The following COL6A5 variants were observed in gnomAD, a reference collection of about 807,000 sequenced individuals.
COL6A5 encodes collagen type VI alpha 5 chain.
In COL6A5, 48 loss-of-function variants were observed where a neutral mutation model predicts 65.6. The ratio of observed to expected loss-of-function variants is 0.73; its 90% confidence interval spans 0.58 to 0.93. The LOEUF (loss-of-function observed/expected upper bound fraction) is 0.93. Ranked by LOEUF, COL6A5 falls within the 40% of genes least tolerant of loss-of-function variation. The pLI, the probability that COL6A5 is intolerant of heterozygous loss-of-function variation, is 0.00. For synonymous variants in COL6A5, 291 were observed against 322.8 expected (o/e 0.90, Z 1.05); for missense variants, 914 against 928.3 (o/e 0.98, Z 0.20).
exon 10 of COL6A5, chr3:130,398,109 C>A: frequency 1.3e-6 from 2 of 1,481,944 alleles, no homozygotes; most frequent in South Asian, 1.2e-5. Context: ...CTCAGAGAAG[C>A]AGGTATTGAG....
chr3:130,465,095 A>G (rs1709783221), intron 5 of COL6A5, among the ~76,000 whole-genome samples: 1 of 152,116 alleles, frequency 6.6e-6, no homozygotes, highest in Non-Finnish European at 1.5e-5. Context: ...GAGAAGGAAA[A>G]CAAATGAGAT....
At chr3:130,395,264 G>A (rs886710530) in exon 8 of COL6A5, 1 of 1,551,664 alleles carries the variant, frequency 6.4e-7, no homozygotes, top group East Asian at 2.4e-5. Flanking sequence ...TCGCTATGAT[G>A]TGGCAGATGC....
chr3:130,464,504 AAC>A (rs112314285), intron 5 of COL6A5, among the ~76,000 whole-genome samples: 1,841 of 152,188 alleles, frequency 0.012, 40 homozygotes, highest in African/African-American at 0.041. Context: ...GTAGTTGAAA[AAC>A]AGAGATCATG....
chr3:130,389,442 T>G (rs1200044424), intron 6 of COL6A5, among the ~76,000 whole-genome samples: 1 of 152,092 alleles, frequency 6.6e-6, no homozygotes, highest in Non-Finnish European at 1.5e-5. Context: ...AGCCAGTTTT[T>G]AATCCCAAAT....
At chr3:130,475,588 ACTT>A (rs1710073614) in intron 7 of COL6A5, among the ~76,000 whole-genome samples, 1 of 152,100 alleles carries the variant, frequency 6.6e-6, no homozygotes, top group Admixed American at 6.6e-5. Flanking sequence ...AATTAAGAGA[ACTT>A]CTCACCAGCA....
chr3:130,382,435 A>G (rs1343486700), intron 4 of COL6A5, among the ~76,000 whole-genome samples: 3 of 152,110 alleles, frequency 2.0e-5, no homozygotes, highest in East Asian at 1.9e-4. Flanking sequence ...ATGGTAAGAA[A>G]TTTGAGAAAA....
chr3:130,448,992 C>T (rs1709366047), intron 4 of COL6A5, among the ~76,000 whole-genome samples: 1 of 152,180 alleles, frequency 6.6e-6, no homozygotes, highest in Admixed American at 6.5e-5. Context: ...ATTAATGGCC[C>T]TTAAATCGGT....
At chr3:130,464,166 C>T (rs1002208006) in intron 5 of COL6A5, among the ~76,000 whole-genome samples, 1 of 151,874 alleles carries the variant, frequency 6.6e-6, no homozygotes, top group Non-Finnish European at 1.5e-5. Flanking sequence ...GGATTTTGCT[C>T]TGTTGCCCAG....
intron 1 of COL6A5, among the ~76,000 whole-genome samples, chr3:130,351,604 G>A (rs1174313348): frequency 1.3e-5 from 2 of 152,188 alleles, no homozygotes; most frequent in African/African-American, 4.8e-5. Context: ...AAACCACAAT[G>A]AGATACCATC....
At chr3:130,388,407 T>G (rs1252573497) in intron 5 of COL6A5, among the ~76,000 whole-genome samples, 173 bp from the exon 6 acceptor site, 3 of 152,118 alleles carry the variant, frequency 2.0e-5, no homozygotes, top group Admixed American at 6.6e-5. Context: ...TGATTCAAGG[T>G]TCTAGTCAAC....
chr3:130,451,693 G>A (rs1047382368), intron 4 of COL6A5, among the ~76,000 whole-genome samples: 2 of 152,092 alleles, frequency 1.3e-5, no homozygotes, highest in Non-Finnish European at 2.9e-5. Flanking sequence ...ATCATCGGGG[G>A]TGACCGTAAG....
chr3:130,397,997 C>T, intron 9 of COL6A5, 33 bp from the exon 10 acceptor site: 1 of 1,545,778 alleles, frequency 6.5e-7, no homozygotes, highest in Non-Finnish European at 8.8e-7. Flanking sequence ...ATATATTTAG[C>T]TTTTACACCA....
chr3:130,371,465 A>G (rs1935554908), intron 1 of COL6A5, among the ~76,000 whole-genome samples: 1 of 152,174 alleles, frequency 6.6e-6, no homozygotes, highest in South Asian at 2.1e-4. Context: ...ATACTGGCAT[A>G]AGGACAGAAA....
chr3:130,457,565 G>C (rs532779128), intron 5 of COL6A5, among the ~76,000 whole-genome samples: 1 of 152,140 alleles, frequency 6.6e-6, no homozygotes, highest in Admixed American at 6.6e-5. Flanking sequence ...ACCCCACCCA[G>C]TTTCTCCTAC....
At chr3:130,372,481 T>C (rs1935604629) in intron 1 of COL6A5, among the ~76,000 whole-genome samples, 1 of 152,076 alleles carries the variant, frequency 6.6e-6, no homozygotes, top group Non-Finnish European at 1.5e-5. Flanking sequence ...AATGGAATAT[T>C]ACTCAGCCAT....
At chr3:130,395,901 G>C (rs1436149893) in intron 8 of COL6A5, among the ~76,000 whole-genome samples, 1 of 152,150 alleles carries the variant, frequency 6.6e-6, no homozygotes. Flanking sequence ...GTGTGTGTGT[G>C]TGTGTATGTG....
intron 12 of COL6A5, 85 bp from the exon 13 acceptor site, chr3:130,403,523 AC>A (rs1207251346): frequency 8.8e-7 from 1 of 1,142,196 alleles, no homozygotes; most frequent in African/African-American, 1.6e-5. Context: ...GGAGGAAGGG[AC>A]TTGCTTAGAA....
chr3:130,401,165 C>T, exon 11 of COL6A5: 1 of 1,543,370 alleles, frequency 6.5e-7, no homozygotes, highest in East Asian at 2.4e-5. Context: ...AAAACTATCA[C>T]AGTACCTGGT....
exon 19 of COL6A5, chr3:130,410,067 G>A: frequency 6.5e-7 from 1 of 1,547,418 alleles, no homozygotes; most frequent in South Asian, 1.2e-5. Context: ...GGAGAACAAG[G>A]AAGACAAGTA....
Sources: gnomAD v4.1 joint callset for allele counts (sites outside exome capture counted in the v4.1 genomes callset) on GRCh38, gnomAD v4.1.1 for gene constraint, MANE v1.5 for transcripts, NCBI Gene and HGNC (gene_info 2026-07-23, HGNC 2026-07-21) for gene names.